Variants in TNPO1 observed in about 807,000 individuals in gnomAD.
TNPO1 encodes transportin 1.
Under a neutral mutation model 119.5 loss-of-function variants are expected in TNPO1, and 8 were observed. The observed-to-expected ratio is 0.07, with a 90% CI of 0.04 to 0.12. The LOEUF (loss-of-function observed/expected upper bound fraction) is 0.12, where lower values mean the gene tolerates loss of function less well. Ranked by LOEUF, TNPO1 falls within the 10% of genes least tolerant of loss-of-function variation. TNPO1 has a pLI of 1.00. For missense variants in TNPO1, 576 were observed against 1,089.8 expected (o/e 0.53, Z 6.64); for synonymous variants, 362 against 363.0 (o/e 1.00, Z 0.03).
chr5:72,858,612 C>T (rs888187947), intron 4 of TNPO1, among the ~76,000 whole-genome samples: 12 of 152,032 alleles, frequency 7.9e-5, no homozygotes, highest in African/African-American at 2.2e-4. Context: ...CCAAGGTGGG[C>T]GGATCACGAG....
intron 2 of TNPO1, 70 bp from the exon 3 acceptor site, chr5:72,851,174 T>C: frequency 1.0e-6 from 1 of 972,610 alleles, no homozygotes; most frequent in Non-Finnish European, 1.6e-6. Flanking sequence ...TCCTTGATTT[T>C]TAGATTTAAA....
intron 4 of TNPO1, among the ~76,000 whole-genome samples, chr5:72,856,856 C>A (rs1213097785): frequency 6.6e-6 from 1 of 152,094 alleles, no homozygotes; most frequent in Admixed American, 6.5e-5. Flanking sequence ...ACACAATTTG[C>A]CAACCAATGG....
At chr5:72,870,103 A>G (rs1747265539) in intron 6 of TNPO1, among the ~76,000 whole-genome samples, 2 of 151,368 alleles carry the variant, frequency 1.3e-5, no homozygotes, top group Admixed American at 6.6e-5. Flanking sequence ...CGTTGGAATA[A>G]CATTAAATCT....
At chr5:72,894,827 C>G (rs1295695453) in intron 18 of TNPO1, among the ~76,000 whole-genome samples, 1 of 152,034 alleles carries the variant, frequency 6.6e-6, no homozygotes, top group Non-Finnish European at 1.5e-5. Context: ...AAGTTTAAAC[C>G]TAACAGTGTA....
chr5:72,832,853 G>A (rs1370767902), intron 1 of TNPO1, among the ~76,000 whole-genome samples: 2 of 152,122 alleles, frequency 1.3e-5, no homozygotes, highest in Non-Finnish European at 2.9e-5. Flanking sequence ...ATTGGCAGAT[G>A]ACTTTATTCT....
rs562136732 is a variant in TNPO1 at position 72,850,019 on chromosome 5, G to A, written c.130-1225G>A. Among the ~76,000 whole-genome samples the A allele has an allele frequency of 4.6e-5, 7 of 152,204 alleles. No individual in the cohort carries two copies. In the South Asian group the frequency reaches 1.5e-3, roughly 32 times the overall value. ...AAGTAGTCAATTTACAGTTTATTCT[G>A]TGTGCCTGGAACTTAGTATGTCCTC... On this transcript the variant is annotated intron_variant, in intron 2 of 24. Transcript: ENST00000337273.
chr5:72,842,652 C>T (rs1030074661), intron 1 of TNPO1, among the ~76,000 whole-genome samples: 7 of 152,184 alleles, frequency 4.6e-5, no homozygotes, highest in African/African-American at 1.7e-4. Flanking sequence ...TTAGGTCTTC[C>T]TATGGCTCCT....
rs1212545827 is a variant in TNPO1 at position 72,874,226 on chromosome 5, T to G, written c.679-1389T>G. 3.9e-5 allele frequency among the ~76,000 whole-genome samples: 6 copies of G among 152,168 alleles called. No homozygotes were observed. The East Asian group carries it at 9.6e-4, about 24-fold the overall frequency. ...ACAGTAAACCTCTGGAGGAAGTGCC[T>G]CTAACATATAGTAGGCCCTCAATAG... On this transcript the variant is annotated intron_variant, in intron 7 of 24. Coordinates refer to ENST00000337273, the MANE Select transcript of TNPO1 (RefSeq NM_002270.4).
intron 1 of TNPO1, among the ~76,000 whole-genome samples, chr5:72,829,309 C>T (rs748565745): frequency 3.9e-5 from 6 of 152,158 alleles, no homozygotes; most frequent in South Asian, 2.1e-4. Flanking sequence ...TAAAGACTTC[C>T]GTTGGATAGA....
chr5:72,866,797 A>T (rs1221513427), intron 6 of TNPO1, among the ~76,000 whole-genome samples: 1 of 152,152 alleles, frequency 6.6e-6, no homozygotes, highest in Non-Finnish European at 1.5e-5. Flanking sequence ...ATTTCTGGTA[A>T]TCGATACACC....
intron 9 of TNPO1, among the ~76,000 whole-genome samples, chr5:72,880,272 AT>A (rs1269497650): frequency 6.6e-6 from 1 of 151,658 alleles, no homozygotes; most frequent in Non-Finnish European, 1.5e-5. Flanking sequence ...CCCTTTTTTT[AT>A]TTTTTTAACT....
chr5:72,849,374 CT>C (rs765947967), intron 2 of TNPO1, among the ~76,000 whole-genome samples: 9 of 152,162 alleles, frequency 5.9e-5, no homozygotes, highest in Non-Finnish European at 1.0e-4. Flanking sequence ...CATGAATAAC[CT>C]TTTAACCCCC....
chr5:72,883,391 A>C (rs916971165), intron 11 of TNPO1, among the ~76,000 whole-genome samples, 159 bp downstream of exon 11: 7 of 152,170 alleles, frequency 4.6e-5, no homozygotes, highest in Non-Finnish European at 8.8e-5. Context: ...TCAGTTGTAG[A>C]CTATGTTTTC....
At chr5:72,884,434 G>A (rs1748472004) in intron 11 of TNPO1, among the ~76,000 whole-genome samples, 1 of 152,060 alleles carries the variant, frequency 6.6e-6, no homozygotes, top group Admixed American at 6.6e-5. Flanking sequence ...TTTCTGTCTG[G>A]TAATTTGCAT....
chr5:72,874,221 G>A (rs2112375820), intron 7 of TNPO1, among the ~76,000 whole-genome samples: 1 of 152,278 alleles, frequency 6.6e-6, no homozygotes, highest in East Asian at 1.9e-4. Context: ...TCTGGAGGAA[G>A]TGCCTCTAAC....
At chr5:72,839,999 T>C (rs1219046254) in intron 1 of TNPO1, among the ~76,000 whole-genome samples, 2 of 152,240 alleles carry the variant, frequency 1.3e-5, no homozygotes, top group African/African-American at 4.8e-5. Context: ...ATGAAAAATT[T>C]GTGCTCTGAA....
At chr5:72,872,011 A>G (rs1269489029) in intron 6 of TNPO1, 2 of 152,194 alleles carry the variant, frequency 1.3e-5, no homozygotes, top group Admixed American at 6.5e-5. Context: ...GAAAAAGTAG[A>G]TTAAGTTTTA....
At chr5:72,832,012 T>C (rs952649722) in intron 1 of TNPO1, among the ~76,000 whole-genome samples, 5 of 152,106 alleles carry the variant, frequency 3.3e-5, no homozygotes, top group Non-Finnish European at 7.4e-5. Flanking sequence ...ATTTGCCATA[T>C]ATTTACTATT....
chr5:72,902,935 A>G (rs1749900603), intron 22 of TNPO1, among the ~76,000 whole-genome samples: 1 of 152,132 alleles, frequency 6.6e-6, no homozygotes, highest in Admixed American at 6.5e-5. Flanking sequence ...AGTATTACCA[A>G]ATTTTTTGAA....
Sources: gnomAD v4.1 joint callset for allele counts (sites outside exome capture counted in the v4.1 genomes callset) on GRCh38, gnomAD v4.1.1 for gene constraint, MANE v1.5 for transcripts, NCBI Gene and HGNC (gene_info 2026-07-23, HGNC 2026-07-21) for gene names.